RARB: variants seen among roughly 807,000 people sequenced by gnomAD.
The protein encoded by RARB is retinoic acid receptor beta.
RARB carries 17 observed loss-of-function variants against 51.9 expected under a neutral mutation model. That is an observed-to-expected ratio of 0.33 (90% CI 0.22 to 0.49). The LOEUF (loss-of-function observed/expected upper bound fraction) is 0.49. Among genes scored for constraint, RARB ranks in the 20% least tolerant of loss-of-function variants. The pLI is 0.99. For missense variants in RARB, 369 were observed against 550.8 expected (o/e 0.67, Z 3.30); for synonymous variants, 215 against 195.4 (o/e 1.10, Z -0.84).
At chr3:25,039,535 G>C in intron 2 of RARB, among the ~76,000 whole-genome samples, 1 of 152,206 alleles carries the variant, frequency 6.6e-6, no homozygotes, top group East Asian at 1.9e-4. Flanking sequence ...TATGATCCTA[G>C]AGTTCACATT....
intron 2 of RARB, among the ~76,000 whole-genome samples, chr3:25,031,353 G>A (rs1697870924): frequency 6.6e-6 from 1 of 152,130 alleles, no homozygotes; most frequent in South Asian, 2.1e-4. Flanking sequence ...GAAACATAGA[G>A]CAGGTCCCAA....
At chr3:25,033,845 A>G (rs769607769) in intron 2 of RARB, among the ~76,000 whole-genome samples, 11 of 152,242 alleles carry the variant, frequency 7.2e-5, no homozygotes, top group Non-Finnish European at 1.5e-4. Flanking sequence ...TAAATCTCCT[A>G]GCTTACATTA....
chr3:25,547,362 C>G (rs1042617066), intron 3 of RARB, among the ~76,000 whole-genome samples: 4 of 152,190 alleles, frequency 2.6e-5, no homozygotes, highest in African/African-American at 9.7e-5. Flanking sequence ...TCTCCTCCCA[C>G]CATTGGAATT....
intron 2 of RARB, among the ~76,000 whole-genome samples, chr3:24,861,678 C>A (rs935385597): frequency 6.6e-6 from 1 of 151,082 alleles, no homozygotes; most frequent in Non-Finnish European, 1.5e-5. Flanking sequence ...TTCTGTAGGT[C>A]TTTCTAGTGT....
chr3:24,923,135 A>C (rs552931661), intron 2 of RARB, among the ~76,000 whole-genome samples: 1 of 152,188 alleles, frequency 6.6e-6, no homozygotes, highest in African/African-American at 2.4e-5. Flanking sequence ...TCCATTTAGC[A>C]CATTATTTTT....
At chr3:25,335,523 C>T (rs911537524) in intron 5 of RARB, among the ~76,000 whole-genome samples, 6 of 152,150 alleles carry the variant, frequency 3.9e-5, no homozygotes, top group Non-Finnish European at 7.3e-5. Flanking sequence ...CCAGGTTTGG[C>T]ACCTCATTAC....
intron 3 of RARB, among the ~76,000 whole-genome samples, chr3:25,523,364 T>C (rs1000217955): frequency 2.0e-5 from 3 of 152,218 alleles, no homozygotes; most frequent in African/African-American, 7.2e-5. Flanking sequence ...GCGAATGATA[T>C]GAATTATCAC....
intron 1 of RARB, among the ~76,000 whole-genome samples, chr3:25,456,660 A>AATAT (rs59052323): frequency 0.023 from 2,196 of 95,814 alleles, 15 homozygotes; most frequent in Non-Finnish European, 0.031. Context: ...GTGATATTTG[A>AATAT]ATATATATAT....
chr3:25,594,132 C>A (rs1277471991), intron 6 of RARB, among the ~76,000 whole-genome samples: 1 of 152,128 alleles, frequency 6.6e-6, no homozygotes, highest in African/African-American at 2.4e-5. Flanking sequence ...TTTGTAGTGA[C>A]CCCTACTGGC....
At chr3:25,473,376 G>A (rs945653740) in intron 2 of RARB, among the ~76,000 whole-genome samples, 6 of 152,200 alleles carry the variant, frequency 3.9e-5, no homozygotes, top group African/African-American at 1.4e-4. Flanking sequence ...ATTGTCTGGG[G>A]TGAAGGGGAA....
intron 5 of RARB, among the ~76,000 whole-genome samples, chr3:25,283,496 C>T (rs776505221): frequency 1.3e-5 from 2 of 152,206 alleles, no homozygotes; most frequent in Non-Finnish European, 2.9e-5. Context: ...ATCAATCTGA[C>T]AGGAGGCCAC....
At chr3:24,940,040 T>G (rs1230463357) in intron 2 of RARB, among the ~76,000 whole-genome samples, 1 of 152,210 alleles carries the variant, frequency 6.6e-6, no homozygotes, top group East Asian at 1.9e-4. Flanking sequence ...ATTATGTAAA[T>G]GGGCTCTGGG....
chr3:24,989,956 C>T (rs576048362), intron 2 of RARB, among the ~76,000 whole-genome samples: 1,024 of 94,678 alleles, frequency 0.011, 310 homozygotes, highest in Middle Eastern at 0.038. Context: ...CCCGCCACCG[C>T]GCCCGGCTAA....
chr3:24,880,821 C>G (rs998740803), intron 2 of RARB, among the ~76,000 whole-genome samples: 1 of 152,180 alleles, frequency 6.6e-6, no homozygotes, highest in African/African-American at 2.4e-5. Context: ...TAGTTACTTT[C>G]TATAAAAATG....
intron 3 of RARB, among the ~76,000 whole-genome samples, chr3:25,515,179 G>A (rs1047791787): frequency 6.6e-6 from 1 of 152,194 alleles, no homozygotes; most frequent in African/African-American, 2.4e-5. Context: ...TGCCTTCTGT[G>A]TGGCATTGTA....
chr3:25,380,087 A>C (rs1706580354), intron 5 of RARB, among the ~76,000 whole-genome samples: 1 of 152,136 alleles, frequency 6.6e-6, no homozygotes, highest in African/African-American at 2.4e-5. Context: ...CCATTTTAAA[A>C]CCCAAGAATT....
intron 5 of RARB, among the ~76,000 whole-genome samples, chr3:25,332,250 G>A (rs1204969652): frequency 6.6e-6 from 1 of 152,144 alleles, no homozygotes; most frequent in Non-Finnish European, 1.5e-5. Context: ...CAATATCCCT[G>A]ATGAACATCG....
intron 2 of RARB, among the ~76,000 whole-genome samples, chr3:24,966,926 A>G (rs1696287680): frequency 6.6e-6 from 1 of 152,060 alleles, no homozygotes; most frequent in African/African-American, 2.4e-5. Context: ...TTCACCATAC[A>G]TTTTCATTTT....
At chr3:24,925,345 T>C (rs1695295788) in intron 2 of RARB, among the ~76,000 whole-genome samples, 1 of 152,060 alleles carries the variant, frequency 6.6e-6, no homozygotes, top group Non-Finnish European at 1.5e-5. Context: ...AGATATGTCC[T>C]TGGAAAGAAA....
Sources: allele counts gnomAD v4.1 joint callset (sites outside exome capture counted in the v4.1 genomes callset), GRCh38; gene constraint gnomAD v4.1.1; transcripts MANE v1.5; gene names NCBI Gene and HGNC (gene_info 2026-07-23, HGNC 2026-07-21).